ASCC2: variants seen among roughly 807,000 people sequenced by gnomAD.
ASCC2 encodes activating signal cointegrator 1 complex subunit 2.
Under a neutral mutation model 93.5 loss-of-function variants are expected in ASCC2, and 42 were observed. The observed-to-expected ratio is 0.45, with a 90% confidence interval of 0.35 to 0.58. The LOEUF (loss-of-function observed/expected upper bound fraction) is 0.58. Ranked by LOEUF, ASCC2 falls within the 20% of genes least tolerant of loss-of-function variation. The pLI, the probability that ASCC2 is intolerant of heterozygous loss-of-function variation, is 0.00. For synonymous variants in ASCC2, 364 were observed against 384.2 expected (o/e 0.95, Z 0.62); for missense variants, 859 against 977.6 (o/e 0.88, Z 1.62).
intron 2 of ASCC2, among the ~76,000 whole-genome samples, chr22:29,830,678 C>T (rs904821199): frequency 6.6e-6 from 1 of 152,228 alleles, no homozygotes; most frequent in Non-Finnish European, 1.5e-5. Flanking sequence ...CCTGATCACA[C>T]TAGAGAAGCT....
chr22:29,824,193 A>G (rs75106997), intron 4 of ASCC2, among the ~76,000 whole-genome samples: 18,925 of 151,702 alleles, frequency 0.12, 1,898 homozygotes, highest in African/African-American at 0.28. Flanking sequence ...AAAACAAAGA[A>G]AAAGGAAGAG....
chr22:29,806,821 C>T lies in ASCC2; in HGVS notation c.992G>A (p.Cys331Tyr). ...EIFHIILNQI[C>Y]LLPILESSCD... The stretch of plus-strand genomic sequence containing the variant: ...CCTGCTTTCTAGGATGGGAAGGAGG[C>T]AGATCTGGTTCAGGATGATGTGGAA... Residue 331 changes from cysteine to tyrosine, a missense_variant, in exon 10 of 20, where the codon TGC becomes TAC. Coordinates refer to ENST00000307790, the MANE Select transcript of ASCC2 (RefSeq NM_032204.5). 6.2e-7 allele frequency: 1 copy of T among 1,613,542 alleles called. No individual in the cohort carries two copies.
intron 2 of ASCC2, among the ~76,000 whole-genome samples, chr22:29,827,757 G>GACACACAC (rs35763537): frequency 0.07 from 7,082 of 100,848 alleles, 487 homozygotes; most frequent in South Asian, 0.14. Flanking sequence ...TCATTCTCCC[G>GACACACAC]ACACACACAC....
intron 19 of ASCC2, among the ~76,000 whole-genome samples, chr22:29,790,016 C>T (rs537804190): frequency 1.3e-5 from 2 of 152,336 alleles, no homozygotes; most frequent in Admixed American, 6.5e-5. Context: ...CTCCTCTGAG[C>T]CCTTTTCACC....
At chr22:29,811,651 G>T (rs918119020) in intron 8 of ASCC2, among the ~76,000 whole-genome samples, 1 of 152,204 alleles carries the variant, frequency 6.6e-6, no homozygotes, top group Non-Finnish European at 1.5e-5. Context: ...GTCAAAGGCA[G>T]TGTTGCCTTT....
At chr22:29,820,179 C>T (rs249401) in intron 5 of ASCC2, among the ~76,000 whole-genome samples, 78,934 of 150,560 alleles carry the variant, frequency 0.52, 20,924 homozygotes, top group East Asian at 0.67. Context: ...TCTTTTTTTT[C>T]TGAGACGGAG....
At chr22:29,789,632 C>A (rs1454132484) in intron 19 of ASCC2, among the ~76,000 whole-genome samples, 1 of 152,186 alleles carries the variant, frequency 6.6e-6, no homozygotes. Flanking sequence ...ACCATCTTGA[C>A]CACTGGGATT....
chr22:29,813,472 G>C lies in ASCC2; in HGVS notation c.791C>G (p.Pro264Arg). The C allele has an allele frequency of 6.2e-7, 1 of 1,614,174 alleles. No homozygotes were observed. ...TTLWAFLDIF[P>R]LACQTFQKHD... ...CTTCTGGAAGGTCTGGCAAGCCAAAGGGAAGATATCCAGAAAGGCCCAAAG... is the reference window on the plus strand; with the variant it reads ...CTTCTGGAAGGTCTGGCAAGCCAAACGGAAGATATCCAGAAAGGCCCAAAG... Residue 264 changes from proline to arginine, a missense_variant, in exon 8 of 20, where the codon CCT becomes CGT. By Grantham distance (103) the Pro-to-Arg change is moderately radical (BLOSUM62 -2). Transcript: ENST00000307790.
chr22:29,807,700 G>A (rs1430330305), intron 9 of ASCC2, among the ~76,000 whole-genome samples: 3 of 151,938 alleles, frequency 2.0e-5, no homozygotes, highest in Non-Finnish European at 4.4e-5. Flanking sequence ...AAAAAAAAAT[G>A]CAGTTCAAGA....
chr22:29,793,608 C>A lies in ASCC2; in HGVS notation c.1757G>T (p.Arg586Leu). ...DKRAVAAQRQ[R>L]YEQYSVVVEE... is the part of the protein sequence containing the mutation. Reference sequence around the variant, plus strand: ...CACCACCACGCTGTACTGCTCGTAGCGCTGCCGCTGTGCCGCCACTGCACG... The same window carrying A: ...CACCACCACGCTGTACTGCTCGTAGAGCTGCCGCTGTGCCGCCACTGCACG... Residue 586 changes from arginine (R) to leucine (L), a missense_variant, in exon 16 of 20, where the codon CGC (arginine) becomes CTC (leucine). Transcript: ENST00000307790. 2.5e-6 allele frequency: 4 copies of A among 1,608,662 alleles called. No individual in the cohort carries two copies. Among genetic ancestry groups the A allele is most frequent in the Non-Finnish European group, 3.4e-6 (4 of 1,178,152 alleles).
chr22:29,825,907 A>G lies in ASCC2; in HGVS notation c.82-127T>C. The stretch of plus-strand genomic sequence containing the variant: ...ACCCTCCAAGGAGCTTTTAAGCATA[A>G]AGAACCAAGTGTATCTAACAAAGAG... On this transcript the variant is annotated intron_variant, in intron 2 of 19. Transcript: ENST00000307790. This position sits in a 1 kb window ranked among gnomAD's most constrained non-coding sequence, Gnocchi z 4.9. 2.8e-6 allele frequency: 3 copies of G among 1,089,940 alleles called. No individual in the cohort carries two copies. The highest frequency in any genetic ancestry group is 4.0e-6 in the Non-Finnish European group (3 of 750,858). The allele number at this position is 1,089,940 out of a possible 1,614,324, so 67.5% of individuals were successfully genotyped here. A position where few individuals can be genotyped will look rare whatever the true frequency, so the allele number is the denominator to read the frequency against.
intron 13 of ASCC2, among the ~76,000 whole-genome samples, chr22:29,803,028 T>C (rs1023563036): frequency 1.3e-5 from 2 of 151,590 alleles, no homozygotes; most frequent in Non-Finnish European, 2.9e-5. Flanking sequence ...AGGTGGATCA[T>C]CTGAGGTCAG....
chr22:29,808,603 T>C (rs2059945307), intron 8 of ASCC2, among the ~76,000 whole-genome samples: 1 of 152,084 alleles, frequency 6.6e-6, no homozygotes, highest in Non-Finnish European at 1.5e-5. Flanking sequence ...GGAAGATTGC[T>C]TGAGCCAGGA....
intron 5 of ASCC2, among the ~76,000 whole-genome samples, chr22:29,819,514 G>C (rs940643403): frequency 5.3e-5 from 8 of 152,158 alleles, no homozygotes; most frequent in Non-Finnish European, 7.3e-5. Context: ...TATATTATTA[G>C]TCTTCCCATT....
In ASCC2 at chr22:29,825,736, C is replaced by A. The variant is rs200626984; in HGVS notation, c.126G>T (p.Pro42=). 1 of 1,614,044 alleles carries A rather than the reference C, an allele frequency of 6.2e-7. No homozygotes were observed. Among genetic ancestry groups the A allele is most frequent in the Non-Finnish European group, 8.5e-7 (1 of 1,179,958 alleles). The change falls in exon 3 of 20, where the codon CCG becomes CCT. Residue 42 remains proline (P), a synonymous_variant. Coordinates refer to ENST00000307790, the MANE Select transcript of ASCC2 (RefSeq NM_032204.5). This position sits in a 1 kb window ranked among gnomAD's most constrained non-coding sequence, Gnocchi z 4.9. ...KADRYFVLYK[P]PPKDNIPALV... ...GGGCGGGAATGTTGTCTTTAGGGGGCGGTTTGTATAACACAAAATACCGGT... is the reference window on the plus strand; with the variant it reads ...GGGCGGGAATGTTGTCTTTAGGGGGAGGTTTGTATAACACAAAATACCGGT...
At chr22:29,822,620 C>T (rs531479658) in intron 4 of ASCC2, among the ~76,000 whole-genome samples, 156 bp from the exon 5 acceptor site, 2 of 150,872 alleles carry the variant, frequency 1.3e-5, no homozygotes, top group Non-Finnish European at 3.0e-5. Context: ...TCTCCCCCCG[C>T]CCTTTTTTTT....
At chr22:29,800,171 C>T (rs1370805868) in intron 15 of ASCC2, among the ~76,000 whole-genome samples, 1 of 152,184 alleles carries the variant, frequency 6.6e-6, no homozygotes, top group Non-Finnish European at 1.5e-5. Context: ...GGACCACTGT[C>T]CCTGTTGCTC....
At chr22:29,807,031 G>A (rs998351180) in intron 9 of ASCC2, 127 bp from the exon 10 acceptor site, 4 of 675,182 alleles carry the variant, frequency 5.9e-6, no homozygotes, top group Non-Finnish European at 7.4e-6. Flanking sequence ...TTGAGCCCCA[G>A]GAGTTTGAGA....
intron 1 of ASCC2, among the ~76,000 whole-genome samples, chr22:29,833,043 A>G (rs1021892476): frequency 6.6e-6 from 1 of 152,104 alleles, no homozygotes. Flanking sequence ...TCAACCTCCC[A>G]AAGCGCTCAC....
Sources: gnomAD v4.1 joint callset for allele counts (sites outside exome capture counted in the v4.1 genomes callset) on GRCh38, gnomAD v4.1.1 for gene constraint, Gnocchi (gnomAD v3.1) non-coding constraint, MANE v1.5 for transcripts, NCBI Gene and HGNC (gene_info 2026-07-23, HGNC 2026-07-21) for gene names.